The following HYAL4 variants were observed in gnomAD, a reference collection of about 807,000 sequenced individuals.
HYAL4 encodes hyaluronidase 4.
Under a neutral mutation model 35.2 loss-of-function variants are expected in HYAL4, and 37 were observed. That is an observed-to-expected ratio of 1.05 (90% CI 0.81 to 1.38). The LOEUF (loss-of-function observed/expected upper bound fraction) is 1.38. Among genes scored for constraint, HYAL4 ranks in the 40% most tolerant of loss-of-function variants. The pLI is 0.00. For missense variants in HYAL4, 572 were observed against 572.4 expected (o/e 1.00, Z 0.01); for synonymous variants, 198 against 203.2 (o/e 0.97, Z 0.22).
At chr7:123,826,220 A>G (rs1805801298), upstream of HYAL4, among the ~76,000 whole-genome samples, 1 of 152,098 alleles carries the variant, frequency 6.6e-6, no homozygotes, top group African/African-American at 2.4e-5. Context: ...AGCTTCTGAT[A>G]ATGAGATAGA....
At chr7:123,819,227 G>T in the HYAL4 span, 1 of 152,544 alleles carries the variant, frequency 6.6e-6, no homozygotes, top group Non-Finnish European at 1.5e-5. Flanking sequence ...TGGAAACAAA[G>T]ATATCATTAT....
At chr7:123,835,966 A>G (rs1402561795) in intron 1 of HYAL4, among the ~76,000 whole-genome samples, 1 of 152,038 alleles carries the variant, frequency 6.6e-6, no homozygotes, top group Non-Finnish European at 1.5e-5. Context: ...AATTTTCTTA[A>G]ATTTATTGAG....
chr7:123,858,954 A>G (rs537736544), intron 2 of HYAL4, among the ~76,000 whole-genome samples: 3 of 152,308 alleles, frequency 2.0e-5, no homozygotes, highest in Non-Finnish European at 2.9e-5. Flanking sequence ...AAAGAAAGCA[A>G]TCAGATTTGA....
the HYAL4 span, among the ~76,000 whole-genome samples, chr7:123,817,276 C>A: frequency 2.6e-5 from 4 of 152,080 alleles, no homozygotes; most frequent in Non-Finnish European, 5.9e-5. Flanking sequence ...ATATAGTCAC[C>A]CAATTTGAAA....
the HYAL4 span, among the ~76,000 whole-genome samples, chr7:123,817,431 C>T: frequency 6.6e-6 from 1 of 151,950 alleles, no homozygotes; most frequent in Non-Finnish European, 1.5e-5. Context: ...CATCATTTCT[C>T]ACCGAACAAT....
the HYAL4 span, among the ~76,000 whole-genome samples, chr7:123,800,405 G>A: frequency 6.7e-6 from 1 of 148,392 alleles, no homozygotes; most frequent in Non-Finnish European, 1.5e-5. Context: ...TCCTGACTTC[G>A]TGATCCGCCC....
At chr7:123,838,449 A>C (rs1806002684) in intron 1 of HYAL4, among the ~76,000 whole-genome samples, 1 of 152,012 alleles carries the variant, frequency 6.6e-6, no homozygotes. Flanking sequence ...AATAATATCA[A>C]CATTACAAAA....
intron 1 of HYAL4, among the ~76,000 whole-genome samples, chr7:123,846,288 A>G (rs1451840651): frequency 6.6e-6 from 1 of 151,452 alleles, no homozygotes; most frequent in Non-Finnish European, 1.5e-5. Context: ...GGCATGTGTG[A>G]GTTCAGACTC....
chr7:123,834,569 A>C (rs1584908638), intron 1 of HYAL4, among the ~76,000 whole-genome samples: 1 of 152,074 alleles, frequency 6.6e-6, no homozygotes, highest in East Asian at 1.9e-4. Flanking sequence ...TTTGGATGTT[A>C]TTTCTTTCTC....
Position 123,868,857 on chromosome 7 carries a change from C to T in HYAL4, c.584C>T (p.Ala195Val). The T allele has an allele frequency of 6.2e-7, 1 of 1,614,156 alleles. No homozygotes were observed. Among genetic ancestry groups the T allele is most frequent in the Non-Finnish European group, 8.5e-7 (1 of 1,180,008 alleles). The change falls in exon 3 of 5, where the codon GCA (alanine) becomes GTA (valine). Residue 195 changes from alanine (A) to valine (V), a missense_variant. Coordinates refer to ENST00000223026, the MANE Select transcript of HYAL4 (RefSeq NM_012269.3). ...GCCAAAGTGACCTTTGAAGAAAGTG[C>T]AAAAGCTTTCATGAAGGAAACCATC... ...YLAKVTFEES[A>V]KAFMKETIKL...
the HYAL4 span, among the ~76,000 whole-genome samples, chr7:123,804,137 A>G: frequency 6.6e-6 from 1 of 152,210 alleles, no homozygotes; most frequent in Non-Finnish European, 1.5e-5. Flanking sequence ...TTATTCTCAC[A>G]AGCTGCCACC....
chr7:123,844,820 G>A (rs1045699009), upstream of HYAL4, among the ~76,000 whole-genome samples: 1 of 152,164 alleles, frequency 6.6e-6, no homozygotes, highest in Non-Finnish European at 1.5e-5. Context: ...GGCTCTGTGG[G>A]CGTGGGACCC....
At chr7:123,820,141 C>T in the HYAL4 span, among the ~76,000 whole-genome samples, 4 of 151,908 alleles carry the variant, frequency 2.6e-5, no homozygotes, top group African/African-American at 9.7e-5. Context: ...TATCTGCCCG[C>T]CTCAGCCTCC....
the HYAL4 span, among the ~76,000 whole-genome samples, chr7:123,798,036 A>C: frequency 6.6e-6 from 1 of 152,150 alleles, no homozygotes; most frequent in African/African-American, 2.4e-5. Flanking sequence ...ACTTCCTTAC[A>C]TTTCCTAAAG....
At chr7:123,785,973 CAAAA>C in the HYAL4 span, among the ~76,000 whole-genome samples, 1 of 150,452 alleles carries the variant, frequency 6.6e-6, no homozygotes, top group African/African-American at 2.4e-5. The surrounding 1 kb of genome is among the most constrained non-coding windows in gnomAD (Gnocchi z 4.5). Flanking sequence ...CAAAACAAAA[CAAAA>C]CAAACAACTA....
upstream of HYAL4, among the ~76,000 whole-genome samples, chr7:123,843,553 T>G (rs1354493256): frequency 6.6e-6 from 1 of 152,140 alleles, no homozygotes; most frequent in African/African-American, 2.4e-5. Context: ...TGCCTTGCTG[T>G]GTTGGGGAAG....
chr7:123,844,266 C>T (rs1806129054), upstream of HYAL4: 1 of 152,274 alleles, frequency 6.6e-6, no homozygotes, highest in Non-Finnish European at 1.5e-5. Context: ...AGCTGCAGGT[C>T]TGTTGGAGTT....
Position 123,868,259 on chromosome 7 carries a change from C to T in HYAL4, c.-15C>T. 1 of 1,436,930 alleles carries T rather than the reference C, an allele frequency of 7.0e-7. No homozygotes were observed. Among genetic ancestry groups the T allele is most frequent in the Non-Finnish European group, 9.4e-7 (1 of 1,068,840 alleles). 89.0% of individuals were successfully genotyped at this position (1,436,930 alleles called of 1,614,324 possible). On this transcript the variant is annotated 5_prime_UTR_variant, in exon 3 of 5. Transcript: ENST00000223026. ...TGCACTAAAGCAGAAGATAACGTAA[C>T]ATTTTTATCTTACCATGAAAGTATT...
chr7:123,853,706 T>A (rs992660803), intron 2 of HYAL4, among the ~76,000 whole-genome samples: 2 of 152,222 alleles, frequency 1.3e-5, no homozygotes, highest in African/African-American at 4.8e-5. Context: ...GTTGTGTCTC[T>A]GGCAGGTTTT....
Sources: allele counts gnomAD v4.1 joint callset (sites outside exome capture counted in the v4.1 genomes callset), GRCh38; gene constraint gnomAD v4.1.1; non-coding constraint Gnocchi (gnomAD v3.1); transcripts MANE v1.5; gene names NCBI Gene and HGNC (gene_info 2026-07-23, HGNC 2026-07-21).